Variants in CFTR observed in about 807,000 individuals in gnomAD.
CFTR encodes CF transmembrane conductance regulator.
In CFTR, 181 loss-of-function variants were observed where a neutral mutation model predicts 171.6. The observed-to-expected ratio is 1.05, with a 90% CI of 0.93 to 1.19. CFTR has a LOEUF of 1.19. Among genes scored for constraint, CFTR ranks in the 50% most tolerant of loss-of-function variants. The pLI is 0.00. For synonymous variants in CFTR, 583 were observed against 608.0 expected (o/e 0.96, Z 0.60); for missense variants, 1,968 against 1,734.7 (o/e 1.13, Z -2.39).
intron 10 of CFTR, among the ~76,000 whole-genome samples, chr7:117,559,166 C>A (rs1243996855): frequency 6.6e-6 from 1 of 152,204 alleles, no homozygotes; most frequent in African/African-American, 2.4e-5. Flanking sequence ...CTGTTACTAA[C>A]CTTTCCCATT....
chr7:117,520,889 C>T (rs1256066227), intron 3 of CFTR, among the ~76,000 whole-genome samples: 1 of 151,882 alleles, frequency 6.6e-6, no homozygotes, highest in Non-Finnish European at 1.5e-5. Context: ...TAAAAATTCA[C>T]TTCCAAAAAA....
At chr7:117,602,683 A>G (rs1792243540) in intron 15 of CFTR, 143 bp from the exon 16 acceptor site, 1 of 796,722 alleles carries the variant, frequency 1.3e-6, no homozygotes, top group Middle Eastern at 2.3e-4. Flanking sequence ...GGACCCAGGA[A>G]CACAAAGCAA....
At chr7:117,661,649 TCACACAAAGGTA>T (rs1793283719) in intron 24 of CFTR, among the ~76,000 whole-genome samples, 1 of 152,164 alleles carries the variant, frequency 6.6e-6, no homozygotes, top group Admixed American at 6.6e-5. Flanking sequence ...AAAGCTGTTG[TCACACAAAGGTA>T]GTGTTTCAGT....
Position 117,666,938 on chromosome 7 carries a change from G to T in CFTR, c.4273G>T (p.Asp1425Tyr). 1.2e-6 allele frequency: 2 copies of T among 1,614,004 alleles called. No homozygotes were observed. The highest frequency in any genetic ancestry group is 1.7e-6 in the Non-Finnish European group (2 of 1,179,968). ...AGAAGAGAACAAAGTGCGGCAGTAC[G>T]ATTCCATCCAGAAACTGCTGAACGA... ...VIEENKVRQY[D>Y]SIQKLLNERS... Residue 1425 changes from aspartate (D) to tyrosine (Y), a missense_variant, in exon 27 of 27, where the codon GAT becomes TAT. Asp to Tyr is a radical substitution (Grantham distance 160, BLOSUM62 -3). Coordinates refer to ENST00000003084, the MANE Select transcript of CFTR (RefSeq NM_000492.4).
chr7:117,566,491 A>G (rs991550393), intron 11 of CFTR, among the ~76,000 whole-genome samples: 2 of 152,092 alleles, frequency 1.3e-5, no homozygotes, highest in Non-Finnish European at 2.9e-5. Flanking sequence ...TTAAACAAGA[A>G]TAAACATCAC....
At chr7:117,542,756 G>T (rs1044366649) in intron 9 of CFTR, among the ~76,000 whole-genome samples, 2 of 151,952 alleles carry the variant, frequency 1.3e-5, no homozygotes, top group African/African-American at 4.8e-5. Flanking sequence ...GAACTTTGTG[G>T]GCCCTCTGGC....
At chr7:117,537,822 T>C (rs1798982565) in intron 7 of CFTR, among the ~76,000 whole-genome samples, 2 of 152,212 alleles carry the variant, frequency 1.3e-5, no homozygotes, top group Admixed American at 1.3e-4. Flanking sequence ...GATGTTGTTT[T>C]TCTCATTAAC....
chr7:117,652,623 A>G (rs1793104835), intron 23 of CFTR, among the ~76,000 whole-genome samples: 1 of 152,250 alleles, frequency 6.6e-6, no homozygotes, highest in South Asian at 2.1e-4. Context: ...AATGTTCACA[A>G]GGGACTCCAA....
intron 23 of CFTR, among the ~76,000 whole-genome samples, chr7:117,647,938 G>A (rs977502530): frequency 6.6e-6 from 1 of 151,006 alleles, no homozygotes; most frequent in Non-Finnish European, 1.5e-5. Context: ...TTGTCAAAAA[G>A]GGACGTCCAA....
At chr7:117,578,707 T>C (rs1165035073) in intron 11 of CFTR, among the ~76,000 whole-genome samples, 1 of 152,156 alleles carries the variant, frequency 6.6e-6, no homozygotes, top group Non-Finnish European at 1.5e-5. Context: ...TTTCTAAGGG[T>C]AAAATCTTGT....
intron 2 of CFTR, among the ~76,000 whole-genome samples, chr7:117,507,243 C>T (rs1338314035): frequency 3.3e-5 from 5 of 152,152 alleles, no homozygotes; most frequent in African/African-American, 1.2e-4. Flanking sequence ...AGAAATTCCC[C>T]GACCTTGCCT....
intron 11 of CFTR, among the ~76,000 whole-genome samples, chr7:117,562,526 A>G (rs1791526071): frequency 6.6e-6 from 1 of 152,202 alleles, no homozygotes. Context: ...CTCCATGCTC[A>G]GGAAATGGCA....
chr7:117,619,531 C>A (rs1312783339), intron 21 of CFTR, among the ~76,000 whole-genome samples: 4 of 152,164 alleles, frequency 2.6e-5, no homozygotes, highest in Non-Finnish European at 1.5e-5. Context: ...GATCAAGTGA[C>A]TGATTGTACA....
At position 117,652,883 on chromosome 7, in the gene CFTR, T is replaced by A. The variant is rs397508640; in HGVS notation, c.3915T>A (p.Asp1305Glu). The change falls in exon 24 of 27, where the codon GAT becomes GAA. Residue 1305 changes from aspartate (D) to glutamate (E), a missense_variant. By Grantham distance (45) the Asp-to-Glu change is conservative (BLOSUM62 2). Transcript: ENST00000003084. ...IFSGTFRKNL[D>E]PYEQWSDQEI... ...CTGGAACATTTAGAAAAAACTTGGA[T>A]CCCTATGAACAGTGGAGTGATCAAG... 3.1e-6 allele frequency: 5 copies of A among 1,601,388 alleles called. No individual in the cohort carries two copies. The highest frequency in any genetic ancestry group is 4.3e-6 in the Non-Finnish European group (5 of 1,170,390).
intron 21 of CFTR, 26 bp from the exon 22 acceptor site, chr7:117,627,495 AC>A: frequency 6.2e-7 from 1 of 1,612,176 alleles, no homozygotes; most frequent in Non-Finnish European, 8.5e-7. Flanking sequence ...ATTCTTAAAA[AC>A]AAAAATGTTG....
At position 117,578,327 on chromosome 7, in the gene CFTR, A is replaced by G. The variant is rs397508229; in HGVS notation, c.1585-9412A>G. 6.6e-6 allele frequency among the ~76,000 whole-genome samples: 1 copy of G among 152,080 alleles called. No individual in the cohort carries two copies. On this transcript the variant is annotated intron_variant, in intron 11 of 26. Transcript: ENST00000003084. ...TTCACCTCCACTTAATGAATAGTAC[A>G]TACATTTCTTTTTCCCCATGGTTTT...
intron 11 of CFTR, among the ~76,000 whole-genome samples, chr7:117,583,318 C>T (rs1368922584): frequency 2.6e-5 from 4 of 151,786 alleles, no homozygotes; most frequent in East Asian, 2.0e-4. Flanking sequence ...CTTTTATCCC[C>T]CCCCCGCTCC....
Position 117,590,446 on chromosome 7 carries a change from T to C in CFTR, c.1766+7T>C. On this transcript the variant is annotated splice_region_variant and intron_variant, in intron 13 of 26. Transcript: ENST00000003084. The stretch of plus-strand genomic sequence containing the variant: ...AAAAAGAAATATTTGAAAGGTATGT[T>C]CTTTGAATACCTTACTTATAATGCT... 2.5e-6 allele frequency: 4 copies of C among 1,598,400 alleles called. No individual in the cohort carries two copies. Among genetic ancestry groups the C allele is most frequent in the Non-Finnish European group, 3.4e-6 (4 of 1,169,210 alleles).
intron 9 of CFTR, among the ~76,000 whole-genome samples, chr7:117,545,701 C>A (rs1234945652): frequency 6.6e-6 from 1 of 152,142 alleles, no homozygotes; most frequent in Non-Finnish European, 1.5e-5. Context: ...GTTTAAGTAA[C>A]TCAAGCATGG....
Sources: gnomAD v4.1 joint callset for allele counts (sites outside exome capture counted in the v4.1 genomes callset) on GRCh38, gnomAD v4.1.1 for gene constraint, MANE v1.5 for transcripts, NCBI Gene and HGNC (gene_info 2026-07-23, HGNC 2026-07-21) for gene names.